The following SLC24A1 variants were observed in gnomAD, a reference collection of about 807,000 sequenced individuals.
SLC24A1 encodes the protein sodium/potassium/calcium exchanger 1.
SLC24A1 carries 52 observed loss-of-function variants against 88.1 expected under a neutral mutation model. The ratio of observed to expected loss-of-function variants is 0.59; its 90% CI spans 0.47 to 0.74. The LOEUF is 0.74. Ranked by LOEUF, SLC24A1 falls within the 30% of genes least tolerant of loss-of-function variation. The pLI, the probability that SLC24A1 is intolerant of heterozygous loss-of-function variation, is 0.00. For synonymous variants in SLC24A1, 455 were observed against 498.0 expected (o/e 0.91, Z 1.15); for missense variants, 1,173 against 1,363.3 (o/e 0.86, Z 2.20).
chr15:65,639,595 C>T lies in SLC24A1; in HGVS notation c.1945C>T (p.Leu649Phe). 7 of 1,602,968 alleles carry T rather than the reference C, an allele frequency of 4.4e-6. No individual in the cohort carries two copies. In the South Asian group the frequency reaches 6.8e-5, roughly 15 times the overall value. ...ACTGTGCGGCTCTCCTCTTGCTCAG[C>T]TCCCGTCCTTGCTGACCCGAGGGAG... is the stretch of plus-strand genomic sequence containing the variant. ...DELQDNKKLK[L>F]PSLLTRGSSS... Residue 649 changes from leucine to phenylalanine, a missense_variant and splice_region_variant, in exon 4 of 10, where the codon CTC becomes TTC. Leu to Phe is a conservative substitution (Grantham distance 22). Transcript: ENST00000261892.
intron 2 of SLC24A1, among the ~76,000 whole-genome samples, chr15:65,616,830 G>A (rs1361226993): frequency 6.6e-6 from 1 of 152,166 alleles, no homozygotes; most frequent in African/African-American, 2.4e-5. Flanking sequence ...TATTGCCTAG[G>A]TTTTCTTCTA....
At chr15:65,656,561 G>A (rs1040382778), downstream of SLC24A1, among the ~76,000 whole-genome samples, 2 of 152,224 alleles carry the variant, frequency 1.3e-5, no homozygotes, top group South Asian at 2.1e-4. Flanking sequence ...TAAAAATGTC[G>A]AGATAATATT....
chr15:65,651,428 C>T (rs896947746), intron 7 of SLC24A1, among the ~76,000 whole-genome samples: 1 of 152,160 alleles, frequency 6.6e-6, no homozygotes, highest in Non-Finnish European at 1.5e-5. Flanking sequence ...AGCTTTCTTC[C>T]ATCTGGTGAC....
rs143147032 is a variant in SLC24A1 at position 65,622,997 on chromosome 15, C to T, written c.-127+905C>T. Among the ~76,000 whole-genome samples the T allele has an allele frequency of 9.1e-4, 139 of 152,278 alleles. 2 individuals carry two copies. The East Asian group carries it at 0.021, about 23-fold the overall frequency. On this transcript the variant is annotated intron_variant, in intron 1 of 9. Coordinates refer to ENST00000261892, the MANE Select transcript of SLC24A1 (RefSeq NM_004727.3). ...CCTCAAGTGATCCGCCCACCTCAGC[C>T]TCCCAAAGTGCAGGGATTCCAAGCA... is the stretch of plus-strand genomic sequence containing the variant.
In SLC24A1 at chr15:65,624,700, C is replaced by A. The variant is rs763281492; in HGVS notation, c.620C>A (p.Thr207Lys). 10 of 1,608,510 alleles carry A rather than the reference C, an allele frequency of 6.2e-6. No individual in the cohort carries two copies. The highest frequency in any genetic ancestry group is 5.5e-5 in the South Asian group (5 of 90,376). Residue 207 changes from threonine to lysine, a missense_variant, in exon 2 of 10, where the codon ACA becomes AAA. Coordinates refer to ENST00000261892, the MANE Select transcript of SLC24A1 (RefSeq NM_004727.3). ...ACTTACGTGCCGTCCACATTCATGACAATGGAAACAAGCCATGCGATCACC... is the reference window on the plus strand; with the variant it reads ...ACTTACGTGCCGTCCACATTCATGAAAATGGAAACAAGCCATGCGATCACC... ...VGTYVPSTFM[T>K]METSHAITPR... is the part of the protein sequence containing the mutation.
chr15:65,647,962 G>A (rs2075361513), intron 6 of SLC24A1, among the ~76,000 whole-genome samples: 1 of 152,120 alleles, frequency 6.6e-6, no homozygotes, highest in Admixed American at 6.5e-5. Flanking sequence ...GGCATCAATG[G>A]TTTAAAAAGC....
chr15:65,625,122 C>A lies in SLC24A1; in HGVS notation c.1042C>A (p.Pro348Thr). The change falls in exon 2 of 10, where the codon CCT (proline) becomes ACT (threonine). Residue 348 changes from proline (P) to threonine (T), a missense_variant. Pro to Thr is a conservative substitution (Grantham distance 38). Coordinates refer to ENST00000261892, the MANE Select transcript of SLC24A1 (RefSeq NM_004727.3). ...CACTGCTGCCTGGAGTCTTAGGAAT[C>A]CTTCACCCAGGACCAGTGTATCAGC... is the stretch of plus-strand genomic sequence containing the variant. ...AFTAAWSLRN[P>T]SPRTSVSAIK... is the part of the protein sequence containing the mutation. 1 of 1,613,652 alleles carries A rather than the reference C, an allele frequency of 6.2e-7. No individual in the cohort carries two copies. The highest frequency in any genetic ancestry group is 1.1e-5 in the South Asian group (1 of 91,076).
Position 65,624,581 on chromosome 15 carries a change from C to G in SLC24A1, c.501C>G (p.Thr167=). 1.3e-6 allele frequency: 2 copies of G among 1,593,788 alleles called. No homozygotes were observed. Among genetic ancestry groups the G allele is most frequent in the Non-Finnish European group, 1.7e-6 (2 of 1,170,134 alleles). Residue 167 remains threonine, a synonymous_variant, in exon 2 of 10, where the codon ACC becomes ACG. Transcript: ENST00000261892. ...TSSRQIVKKY[T]PTPRGEMKSY... Reference sequence around the variant, plus strand: ...GCAGACAAATAGTAAAAAAGTATACCCCAACACCCAGGGGAGAAATGAAGA... The same window carrying G: ...GCAGACAAATAGTAAAAAAGTATACGCCAACACCCAGGGGAGAAATGAAGA...
Position 65,655,157 on chromosome 15 carries a change from C to T in SLC24A1, c.*1078C>T, listed in dbSNP as rs2075638328. 1 of 989,410 alleles carries T rather than the reference C, an allele frequency of 1.0e-6. No homozygotes were observed. Among genetic ancestry groups the T allele is most frequent in the African/African-American group, 1.7e-5 (1 of 57,224 alleles). The allele number at this position is 989,410 out of a possible 1,614,324, so 61.3% of individuals were successfully genotyped here. A position where few individuals can be genotyped will look rare whatever the true frequency, so the allele number is the denominator to read the frequency against. On this transcript the variant is annotated 3_prime_UTR_variant, in exon 10 of 10. Transcript: ENST00000261892. ...TTCTAATGGAATGTCCTGGCTCCAC[C>T]CTCCAGCATGTTCTCACCCAACAAT... is the stretch of plus-strand genomic sequence containing the variant.
At chr15:65,633,661 A>G (rs2074808867) in intron 2 of SLC24A1, among the ~76,000 whole-genome samples, 1 of 152,240 alleles carries the variant, frequency 6.6e-6, no homozygotes, top group Admixed American at 6.5e-5. Context: ...CTCCATCTCA[A>G]AAAATAAAAA....
intron 2 of SLC24A1, among the ~76,000 whole-genome samples, chr15:65,616,314 AC>A (rs1441937156): frequency 6.6e-6 from 1 of 152,236 alleles, no homozygotes; most frequent in African/African-American, 2.4e-5. Context: ...ACTGTCTTCC[AC>A]AATGGTTGAA....
intron 2 of SLC24A1, among the ~76,000 whole-genome samples, chr15:65,637,334 G>T (rs1292995712): frequency 6.7e-6 from 1 of 148,734 alleles, no homozygotes; most frequent in Admixed American, 6.7e-5. Flanking sequence ...CAGCTTTCCA[G>T]GAGAGAGGTA....
intron 2 of SLC24A1, among the ~76,000 whole-genome samples, chr15:65,613,986 C>T (rs2074057827): frequency 6.6e-6 from 1 of 152,158 alleles, no homozygotes; most frequent in African/African-American, 2.4e-5. Context: ...ATCATACTTC[C>T]AAGCTCCAGC....
At chr15:65,622,957 G>A (rs2074370758) in intron 1 of SLC24A1, among the ~76,000 whole-genome samples, 1 of 152,048 alleles carries the variant, frequency 6.6e-6, no homozygotes, top group African/African-American at 2.4e-5. Flanking sequence ...GGCCAGGCTG[G>A]TTTTGAACTC....
rs1342560851 is a variant in SLC24A1, at chr15:65,652,806, G to A, written c.3048G>A (p.Val1016=). 1 of 1,594,878 alleles carries A rather than the reference G, an allele frequency of 6.3e-7. No individual in the cohort carries two copies. The highest frequency in any genetic ancestry group is 1.7e-5 in the Admixed American group (1 of 59,196). ...GCAGTAACATATTTGATATCACTGTGGGGTGAGTGGCAATGTAACTTTCTA... is the reference window on the plus strand; with the variant it reads ...GCAGTAACATATTTGATATCACTGTAGGGTGAGTGGCAATGTAACTTTCTA... ...SVGSNIFDIT[V]GLPVPWLLFS... Residue 1016 remains valine (V), a splice_region_variant and synonymous_variant, in exon 9 of 10, where the codon GTG becomes GTA. Coordinates refer to ENST00000261892, the MANE Select transcript of SLC24A1 (RefSeq NM_004727.3).
intron 2 of SLC24A1, among the ~76,000 whole-genome samples, chr15:65,632,201 A>T (rs186996418): frequency 4.6e-5 from 7 of 152,320 alleles, no homozygotes; most frequent in Admixed American, 4.6e-4. Context: ...TAGAGAATGA[A>T]TTGTAGGTGT....
intron 9 of SLC24A1, 101 bp from the exon 10 acceptor site, chr15:65,653,724 ATATTT>A (rs1230306199): frequency 4.4e-6 from 5 of 1,128,960 alleles, no homozygotes; most frequent in African/African-American, 1.6e-5. Flanking sequence ...CACTTCATAG[ATATTT>A]TATTGGTGGA....
intron 4 of SLC24A1, chr15:65,642,974 T>C: frequency 7.8e-7 from 1 of 1,287,548 alleles, no homozygotes; most frequent in Non-Finnish European, 1.0e-6. Context: ...CCCTCTGGGA[T>C]GCCGGGCATC....
upstream of SLC24A1, among the ~76,000 whole-genome samples, chr15:65,617,155 C>T (rs1478641185): frequency 1.3e-5 from 2 of 152,088 alleles, no homozygotes; most frequent in Non-Finnish European, 2.9e-5. Flanking sequence ...AGTCAGGTGG[C>T]GTGATGCCTC....
Sources: allele counts gnomAD v4.1 joint callset (sites outside exome capture counted in the v4.1 genomes callset), GRCh38; gene constraint gnomAD v4.1.1; transcripts MANE v1.5; gene names NCBI Gene and HGNC (gene_info 2026-07-23, HGNC 2026-07-21).